The following GRM4 variants were observed in gnomAD, a reference collection of about 807,000 sequenced individuals.
GRM4 encodes the protein metabotropic glutamate receptor 4.
Under a neutral mutation model 81.7 loss-of-function variants are expected in GRM4, and 28 were observed. That is an observed-to-expected ratio of 0.34 (90% CI 0.25 to 0.47). The LOEUF is 0.47. Among genes scored for constraint, GRM4 ranks in the 20% least tolerant of loss-of-function variants. GRM4 has a pLI of 1.00. For missense variants in GRM4, 948 were observed against 1,290.0 expected (o/e 0.73, Z 4.06); for synonymous variants, 488 against 528.8 (o/e 0.92, Z 1.06).
intron 10 of GRM4, chr6:34,024,588 G>A (rs1315176923): frequency 2.2e-6 from 1 of 447,778 alleles, no homozygotes; most frequent in Non-Finnish European, 4.5e-6. Flanking sequence ...AACTGCTTGA[G>A]GATGGGGTGA....
At position 34,136,563 on chromosome 6, in the gene GRM4, G is replaced by GACACACACACACAC. The variant is rs10635207; in HGVS notation, c.-363-2718_-363-2705dup. On this transcript the variant is annotated intron_variant, in intron 1 of 10. Coordinates refer to ENST00000538487, the MANE Select transcript of GRM4 (RefSeq NM_000841.4). The surrounding 1 kb of genome is among the most constrained non-coding windows in gnomAD (Gnocchi z 4.1). The stretch of plus-strand genomic sequence containing the variant: ...GCTGAGCAGTGCATGCGCGCGTGCG[G>GACACACACACACAC]ACACACACACACACACACACACACA... Among the ~76,000 whole-genome samples the GACACACACACACAC allele has an allele frequency of 0.012, 1,728 of 142,490 alleles. 30 individuals carry two copies. Among genetic ancestry groups the GACACACACACACAC allele is most frequent in the South Asian group, 0.016 (67 of 4,286 alleles). The allele number at this position is 142,490 out of a possible 152,430, so 93.5% of individuals were successfully genotyped here. A position where few individuals can be genotyped will look rare whatever the true frequency, so the allele number is the denominator to read the frequency against.
At chr6:34,103,621 A>G (rs1345495938) in intron 2 of GRM4, 3 of 1,535,676 alleles carry the variant, frequency 2.0e-6, no homozygotes, top group Admixed American at 2.0e-5. Context: ...CCTTGTCAAC[A>G]GTGATCTGTG....
At chr6:34,040,353 C>T (rs1385303537) in intron 7 of GRM4, 39 bp from the exon 8 acceptor site, 1 of 1,607,646 alleles carries the variant, frequency 6.2e-7, no homozygotes, top group Non-Finnish European at 8.5e-7. Flanking sequence ...AGCCTTTACC[C>T]AGAGGCAGGG....
At chr6:34,055,641 C>T (rs1173668981) in intron 6 of GRM4, 3 of 152,240 alleles carry the variant, frequency 2.0e-5, no homozygotes, top group Non-Finnish European at 4.4e-5. Context: ...TGGGTCCTGC[C>T]GCAGAGCCAC....
rs2127442339 is a variant in GRM4 at position 34,035,540 on chromosome 6, A to G, written c.2442+128T>C. The G allele has an allele frequency of 2.8e-6, 1 of 356,756 alleles. No homozygotes were observed. The highest frequency in any genetic ancestry group is 6.2e-5 in the East Asian group (1 of 16,198). The allele number at this position is 356,756 out of a possible 1,614,324, so 22.1% of individuals were successfully genotyped here. Reference sequence around the variant, plus strand: ...TGAAAGAAGGCAGAATGAGGCAAGAAAGAAGGCAGAATGAGGCATGAAAGA... The same window carrying G: ...TGAAAGAAGGCAGAATGAGGCAAGAGAGAAGGCAGAATGAGGCATGAAAGA... On this transcript the variant is annotated intron_variant, in intron 9 of 10. Coordinates refer to ENST00000538487, the MANE Select transcript of GRM4 (RefSeq NM_000841.4). This position sits in a 1 kb window ranked among gnomAD's most constrained non-coding sequence, Gnocchi z 6.6.
chr6:34,148,412 A>G (rs1413244959), upstream of GRM4, among the ~76,000 whole-genome samples: 1 of 152,064 alleles, frequency 6.6e-6, no homozygotes, highest in Non-Finnish European at 1.5e-5. Flanking sequence ...ACACACAGAC[A>G]CATAGACTAA....
intron 2 of GRM4, chr6:34,103,606 A>G (rs2127495312): frequency 1.3e-6 from 2 of 1,535,220 alleles, no homozygotes; most frequent in Non-Finnish European, 1.7e-6. Flanking sequence ...ATGCTGACTC[A>G]GTAACCTTGT....
chr6:34,133,686 A>G lies in GRM4; in HGVS notation c.-190T>C, dbSNP rs1267734892. ...ACTCGGGCCAAGCACAGTTGCCCGC[A>G]CAGTCCAGGCCCACAGACAGCAGGC... On this transcript the variant is annotated 5_prime_UTR_variant, in exon 2 of 11. Coordinates refer to ENST00000538487, the MANE Select transcript of GRM4 (RefSeq NM_000841.4). The surrounding 1 kb of genome is among the most constrained non-coding windows in gnomAD (Gnocchi z 6.5). 2.1e-6 allele frequency: 3 copies of G among 1,406,258 alleles called. No homozygotes were observed. The highest frequency in any genetic ancestry group is 2.8e-6 in the Non-Finnish European group (3 of 1,086,284). The allele number at this position is 1,406,258 out of a possible 1,614,324, so 87.1% of individuals were successfully genotyped here.
chr6:34,026,620 C>T (rs1294221754), intron 10 of GRM4, among the ~76,000 whole-genome samples: 2 of 152,046 alleles, frequency 1.3e-5, no homozygotes, highest in Non-Finnish European at 2.9e-5. Context: ...GCCTCCACAC[C>T]CCTCCTCTGG....
chr6:34,044,118 A>C (rs1203390324), intron 6 of GRM4, among the ~76,000 whole-genome samples: 2 of 126,342 alleles, frequency 1.6e-5, no homozygotes, highest in Non-Finnish European at 3.2e-5. Context: ...ATATATACAC[A>C]GACACACACA....
intron 2 of GRM4, among the ~76,000 whole-genome samples, chr6:34,127,201 G>A (rs1770056250): frequency 6.6e-6 from 1 of 152,184 alleles, no homozygotes; most frequent in Non-Finnish European, 1.5e-5. Context: ...ACTGTGATGA[G>A]CGCCATCAAG....
In GRM4 at chr6:34,059,165, T is replaced by G; in HGVS notation, c.873-37A>C. 1 of 1,606,480 alleles carries G rather than the reference T, an allele frequency of 6.2e-7. No homozygotes were observed. The highest frequency in any genetic ancestry group is 8.5e-7 in the Non-Finnish European group (1 of 1,176,194). On this transcript the variant is annotated intron_variant, in intron 4 of 10. Transcript: ENST00000538487. The surrounding 1 kb of genome is among the most constrained non-coding windows in gnomAD (Gnocchi z 5.7). Reference sequence around the variant, plus strand: ...TACACCAGCCCAGCCCAGCCGCGTCTGTCCACGAAACTGCCCCCACTCCTG... The same window carrying G: ...TACACCAGCCCAGCCCAGCCGCGTCGGTCCACGAAACTGCCCCCACTCCTG...
At chr6:34,093,548 T>G (rs1226903446) in intron 2 of GRM4, among the ~76,000 whole-genome samples, 1 of 151,744 alleles carries the variant, frequency 6.6e-6, no homozygotes, top group African/African-American at 2.4e-5. Flanking sequence ...CCTCACAGAG[T>G]GGCATAAGGG....
At chr6:34,025,623 G>C (rs955364890) in intron 10 of GRM4, among the ~76,000 whole-genome samples, 1 of 152,180 alleles carries the variant, frequency 6.6e-6, no homozygotes, top group African/African-American at 2.4e-5. Flanking sequence ...CTGGAAAATG[G>C]GAGCCGTGAG....
chr6:34,105,423 C>T (rs1233436803), intron 2 of GRM4, among the ~76,000 whole-genome samples: 1 of 152,164 alleles, frequency 6.6e-6, no homozygotes, highest in Non-Finnish European at 1.5e-5. Flanking sequence ...CGATGCCAGT[C>T]CTCATTGCAC....
chr6:34,046,598 G>C (rs1765374227), intron 6 of GRM4, among the ~76,000 whole-genome samples: 1 of 152,208 alleles, frequency 6.6e-6, no homozygotes, highest in Non-Finnish European at 1.5e-5. Flanking sequence ...CATCCACAGG[G>C]ATAAATGCTC....
chr6:34,155,423 T>C, exon 1 of GRM4: 4 of 1,406,860 alleles, frequency 2.8e-6, no homozygotes, highest in Non-Finnish European at 2.8e-6. Context: ...GAGCTCCCTC[T>C]GTGTGACAGG....
Position 34,070,410 on chromosome 6 carries a change from A to G in GRM4, c.737-8382T>C, listed in dbSNP as rs140568695. Among the ~76,000 whole-genome samples the G allele has an allele frequency of 2.0e-5, 3 of 152,236 alleles. No individual in the cohort carries two copies. The East Asian group carries it at 5.8e-4, about 30-fold the overall frequency. ...CCTGCAAAGGATGAGCAAGTGAAGAAAGGTGCATGCTGGCTGTGCAAAGGC... is the reference window on the plus strand; with the variant it reads ...CCTGCAAAGGATGAGCAAGTGAAGAGAGGTGCATGCTGGCTGTGCAAAGGC... On this transcript the variant is annotated intron_variant, in intron 3 of 10. Coordinates refer to ENST00000538487, the MANE Select transcript of GRM4 (RefSeq NM_000841.4). The surrounding 1 kb of genome is among the most constrained non-coding windows in gnomAD (Gnocchi z 4.6).
In GRM4 at chr6:34,069,876, G is replaced by A. The variant is rs2127468045; in HGVS notation, c.737-7848C>T. Among the ~76,000 whole-genome samples the A allele has an allele frequency of 6.6e-6, 1 of 152,264 alleles. No homozygotes were observed. The highest frequency in any genetic ancestry group is 2.4e-5 in the African/African-American group (1 of 41,544). On this transcript the variant is annotated intron_variant, in intron 3 of 10. Coordinates refer to ENST00000538487, the MANE Select transcript of GRM4 (RefSeq NM_000841.4). This position sits in a 1 kb window ranked among gnomAD's most constrained non-coding sequence, Gnocchi z 6.4. ...GGAGCACCCCCACCTCAGCTGCTCAGCCACCCTCTAGCTCCCCACCCAGTT... is the reference window on the plus strand; with the variant it reads ...GGAGCACCCCCACCTCAGCTGCTCAACCACCCTCTAGCTCCCCACCCAGTT...
Sources: gnomAD v4.1 joint callset for allele counts (sites outside exome capture counted in the v4.1 genomes callset) on GRCh38, gnomAD v4.1.1 for gene constraint, Gnocchi (gnomAD v3.1) non-coding constraint, MANE v1.5 for transcripts, NCBI Gene and HGNC (gene_info 2026-07-23, HGNC 2026-07-21) for gene names.